Variants in CNTRL observed in about 807,000 individuals in gnomAD.
CNTRL encodes 110 kDa centrosomal protein.
In CNTRL, 233 loss-of-function variants were observed where a neutral mutation model predicts 303.7. That is an observed-to-expected ratio of 0.77 (90% CI 0.69 to 0.86). The LOEUF is 0.86. Ranked by LOEUF, CNTRL falls within the 40% of genes least tolerant of loss-of-function variation. The pLI is 0.00. For synonymous variants in CNTRL, 900 were observed against 922.2 expected (o/e 0.98, Z 0.44); for missense variants, 2,524 against 2,650.6 (o/e 0.95, Z 1.05).
rs1564218572 is a variant in CNTRL at position 121,112,501 on chromosome 9, C to G, written c.1045C>G (p.Gln349Glu). 6.2e-7 allele frequency: 1 copy of G among 1,612,742 alleles called. No individual in the cohort carries two copies. The highest frequency in any genetic ancestry group is 1.1e-5 in the South Asian group (1 of 91,044). The change falls in exon 9 of 44, where the codon CAA (glutamine) becomes GAA (glutamate). Residue 349 changes from glutamine to glutamate, a missense_variant. Coordinates refer to ENST00000373855, the MANE Select transcript of CNTRL (RefSeq NM_007018.6). The part of the protein sequence containing the change: ...TIELTRACQK[Q>E]YELEQELAFY... ...AGAATTAACACGAGCATGTCAGAAG[C>G]AATATGAGCTGGAACAGGAATTGGC...
intron 1 of CNTRL, among the ~76,000 whole-genome samples, chr9:121,077,573 G>C (rs761164948): frequency 6.6e-6 from 1 of 152,160 alleles, no homozygotes; most frequent in Non-Finnish European, 1.5e-5. Flanking sequence ...GAGTAAGCCT[G>C]ACTTTTACTA....
chr9:121,125,860 T>G lies in CNTRL; in HGVS notation c.1949T>G (p.Leu650Trp). The G allele has an allele frequency of 6.2e-7, 1 of 1,614,210 alleles. No individual in the cohort carries two copies. Among genetic ancestry groups the G allele is most frequent in the South Asian group, 1.1e-5 (1 of 91,082 alleles). Residue 650 changes from leucine (L) to tryptophan (W), a missense_variant, in exon 14 of 44, where the codon TTG becomes TGG. Coordinates refer to ENST00000373855, the MANE Select transcript of CNTRL (RefSeq NM_007018.6). ...RKLRDEKETL[L>W]QRLTEVEQER... is the part of the protein sequence containing the mutation. ...CTGCGGGATGAGAAAGAGACATTGT[T>G]GCAGAGATTGACAGAAGTCGAGCAG... is the stretch of plus-strand genomic sequence containing the variant.
intron 19 of CNTRL, 127 bp from the exon 20 acceptor site, chr9:121,143,776 G>A (rs941936437): frequency 3.2e-6 from 2 of 615,592 alleles, no homozygotes; most frequent in Admixed American, 3.0e-5. Flanking sequence ...TATATGTGGA[G>A]TACCTCCTGT....
intron 43 of CNTRL, 79 bp from the exon 44 acceptor site, chr9:121,177,084 G>T: frequency 9.0e-7 from 1 of 1,106,822 alleles, no homozygotes. Flanking sequence ...TTACCTATAA[G>T]CCATCATGCC....
At position 121,141,596 on chromosome 9, in the gene CNTRL, A is replaced by G. The variant is rs775428579; in HGVS notation, c.2691+8A>G. On this transcript the variant is annotated splice_region_variant and intron_variant, in intron 18 of 43. Transcript: ENST00000373855. ...AGAGCCCTGGAAGCAAGAGTAAGAC[A>G]AGGGCAAGAGGCACCTGGAGGGAAG... The G allele has an allele frequency of 1.2e-6, 2 of 1,613,272 alleles. No individual in the cohort carries two copies. Among genetic ancestry groups the G allele is most frequent in the South Asian group, 2.2e-5 (2 of 91,040 alleles).
rs1489635244 is a variant in CNTRL, at chr9:121,175,040, C to G, written c.6770C>G (p.Ser2257Cys). The G allele has an allele frequency of 1.9e-6, 3 of 1,613,730 alleles. No individual in the cohort carries two copies. In the East Asian group the frequency reaches 6.7e-5, roughly 36 times the overall value. Residue 2257 changes from serine (S) to cysteine (C), a missense_variant, in exon 43 of 44, where the codon TCC becomes TGC. Coordinates refer to ENST00000373855, the MANE Select transcript of CNTRL (RefSeq NM_007018.6). The stretch of plus-strand genomic sequence containing the variant: ...CAGGCCCAACTCCGACACTGTATGT[C>G]CAAGCAAGCAGAAGTATTAATTAAA... ...RLKAQLRHCM[S>C]KQAEVLIKGK... is the part of the protein sequence containing the mutation.
intron 26 of CNTRL, among the ~76,000 whole-genome samples, chr9:121,153,621 C>T (rs1463971137): frequency 1.3e-5 from 2 of 152,198 alleles, no homozygotes; most frequent in Non-Finnish European, 2.9e-5. Flanking sequence ...AGCTGGACCT[C>T]CATCTCTGTG....
intron 25 of CNTRL, among the ~76,000 whole-genome samples, chr9:121,150,870 C>T (rs2052198918): frequency 6.6e-6 from 1 of 152,202 alleles, no homozygotes; most frequent in Non-Finnish European, 1.5e-5. Context: ...ACCGTTTTTA[C>T]AAAGCTTATG....
rs1243728857 is a variant in CNTRL at position 121,168,170 on chromosome 9, G to A, written c.5919G>A (p.Glu1973=). 6.2e-7 allele frequency: 1 copy of A among 1,614,040 alleles called. No homozygotes were observed. The highest frequency in any genetic ancestry group is 1.3e-5 in the African/African-American group (1 of 74,940). ...AAACCAGTAAAGTGACACTGAAGGAGCAACAGCACCAGCTGGAAAAGGAAT... is the reference window on the plus strand; with the variant it reads ...AAACCAGTAAAGTGACACTGAAGGAACAACAGCACCAGCTGGAAAAGGAAT... ...KLETSKVTLK[E]QQHQLEKELT... The change falls in exon 38 of 44, where the codon GAG becomes GAA. Residue 1973 remains glutamate (E), a synonymous_variant. Coordinates refer to ENST00000373855, the MANE Select transcript of CNTRL (RefSeq NM_007018.6).
At chr9:121,176,491 G>A (rs1241211567) in intron 43 of CNTRL, among the ~76,000 whole-genome samples, 6 of 152,176 alleles carry the variant, frequency 3.9e-5, no homozygotes, top group Non-Finnish European at 7.4e-5. Flanking sequence ...GGCAGGGTTC[G>A]AGGAGGAGTG....
At chr9:121,147,147 C>G (rs940782140) in intron 23 of CNTRL, among the ~76,000 whole-genome samples, 4 of 152,166 alleles carry the variant, frequency 2.6e-5, no homozygotes, top group African/African-American at 7.2e-5. Context: ...GGATTATAGG[C>G]ATGCGCCACC....
In CNTRL at chr9:121,169,998, G is replaced by A. The variant is rs961797020; in HGVS notation, c.6276+182G>A. On this transcript the variant is annotated intron_variant, in intron 39 of 43. Transcript: ENST00000373855. ...GTTGATGGTAAGTTTTACCTGGGAC[G>A]GGTGCAGCCTCAATGGAGCTCTGGC... Among the ~76,000 whole-genome samples, 9 of 152,156 alleles carry A rather than the reference G, an allele frequency of 5.9e-5. No individual in the cohort carries two copies. The South Asian group carries it at 6.2e-4, about 11-fold the overall frequency.
At chr9:121,161,272 G>A (rs1299588731) in intron 32 of CNTRL, 4 of 443,410 alleles carry the variant, frequency 9.0e-6, no homozygotes, top group East Asian at 7.1e-5. Flanking sequence ...CTTTTTTTTT[G>A]TATTTTCCAG....
chr9:121,115,249 G>A, intron 11 of CNTRL, 49 bp downstream of exon 11: 1 of 1,071,318 alleles, frequency 9.3e-7, no homozygotes, highest in Non-Finnish European at 1.4e-6. Context: ...AAAATGAAAT[G>A]TGTTTTTCCC....
At position 121,167,694 on chromosome 9, in the gene CNTRL, ATTTT is replaced by A; in HGVS notation, c.5844+18_5844+21del. 6.3e-7 allele frequency: 1 copy of A among 1,598,556 alleles called. No homozygotes were observed. On this transcript the variant is annotated intron_variant, in intron 37 of 43. Coordinates refer to ENST00000373855, the MANE Select transcript of CNTRL (RefSeq NM_007018.6). ...CAAGAAATGGTACTACACATTTATG[ATTTT>A]ACATAAAAAAAGCATTTTGTGGCTC...
At chr9:121,102,763 CAGAG>C (rs1356948812) in intron 7 of CNTRL, among the ~76,000 whole-genome samples, 1 of 152,106 alleles carries the variant, frequency 6.6e-6, no homozygotes, top group African/African-American at 2.4e-5. Flanking sequence ...GATAGACAGA[CAGAG>C]AGCAGAATCA....
intron 17 of CNTRL, among the ~76,000 whole-genome samples, chr9:121,141,073 G>A (rs1448329946): frequency 6.6e-6 from 1 of 152,132 alleles, no homozygotes; most frequent in Admixed American, 6.6e-5. Flanking sequence ...TCAGGAAGTA[G>A]AGCCACATTA....
rs144772143 is a variant in CNTRL, at chr9:121,098,401, A to C, written c.637A>C (p.Lys213Gln). ...ATCATTTCAGCTCCAAGATATAAGC[A>C]AGTTGAAACCGCTTCAAGATTTGAT... ...NKISSLQDIS[K>Q]LKPLQDLISL... Residue 213 changes from lysine to glutamine, a missense_variant, in exon 7 of 44, where the codon AAG becomes CAG. Lys to Gln is a moderately conservative substitution (Grantham distance 53). Transcript: ENST00000373855. The C allele has an allele frequency of 1.9e-5, 30 of 1,609,664 alleles. No individual in the cohort carries two copies. The highest frequency in any genetic ancestry group is 5.3e-5 in the African/African-American group (4 of 74,802).
rs116671539 is a variant in CNTRL, at chr9:121,105,374, T to C, written c.809-2428T>C. Among the ~76,000 whole-genome samples the C allele has an allele frequency of 7.3e-3, 1,109 of 152,314 alleles. 12 individuals are homozygous for C. The highest frequency in any genetic ancestry group is 0.025 in the African/African-American group (1,048 of 41,560). ...GTAAGTAAGTGGCTAGATGGTGATA[T>C]CATTTATAAAAATGAAGAATTCAGA... On this transcript the variant is annotated intron_variant, in intron 7 of 43. Transcript: ENST00000373855.
Sources: gnomAD v4.1 joint callset for allele counts (sites outside exome capture counted in the v4.1 genomes callset) on GRCh38, gnomAD v4.1.1 for gene constraint, MANE v1.5 for transcripts, NCBI Gene and HGNC (gene_info 2026-07-23, HGNC 2026-07-21) for gene names.